Variants in KIAA0586 observed in about 807,000 individuals in gnomAD.
KIAA0586 encodes KIAA0586, also known as protein TALPID3.
In KIAA0586, 144 loss-of-function variants were observed where a neutral mutation model predicts 169.8. The ratio of observed to expected loss-of-function variants is 0.85; its 90% confidence interval spans 0.74 to 0.97. The LOEUF is 0.97. Ranked by LOEUF, KIAA0586 falls within the 50% of genes least tolerant of loss-of-function variation. The probability of loss-of-function intolerance (pLI) is 0.00; values close to 1 mark genes in which losing one functional copy is unlikely to be tolerated. For synonymous variants in KIAA0586, 625 were observed against 612.4 expected (o/e 1.02, Z -0.30); for missense variants, 1,854 against 1,823.0 (o/e 1.02, Z -0.31).
intron 4 of KIAA0586, among the ~76,000 whole-genome samples, chr14:58,439,441 C>T (rs2038112284): frequency 6.6e-6 from 1 of 152,122 alleles, no homozygotes. Context: ...CCCGCCTCAG[C>T]CTCCCAAAGT....
At chr14:58,476,667 A>C (rs1595277793) in intron 19 of KIAA0586, among the ~76,000 whole-genome samples, 1 of 48,748 alleles carries the variant, frequency 2.1e-5, no homozygotes, top group Non-Finnish European at 3.7e-5. Flanking sequence ...CTTCAGAGGT[A>C]CTTTTTTTTT....
Position 58,549,292 on chromosome 14 carries a change from C to G in KIAA0586, c.*1360C>G, listed in dbSNP as rs1416662083. 1 of 151,092 alleles carries G rather than the reference C, an allele frequency of 6.6e-6. No individual in the cohort carries two copies. Among genetic ancestry groups the G allele is most frequent in the Non-Finnish European group, 1.5e-5 (1 of 67,870 alleles). 9.4% of individuals were successfully genotyped at this position (151,092 alleles called of 1,614,324 possible). A position where few individuals can be genotyped will look rare whatever the true frequency, so the allele number is the denominator to read the frequency against. ...AAAATACTAATGCCTGGGCCTTGTA[C>G]CAAGGGATTTCAATTTAATTGATCT... is the stretch of plus-strand genomic sequence containing the variant. On this transcript the variant is annotated 3_prime_UTR_variant, in exon 31 of 31. Transcript: ENST00000652326.
Position 58,432,522 on chromosome 14 carries a change from G to A in KIAA0586, c.410+65G>A, listed in dbSNP as rs1431184608. On this transcript the variant is annotated intron_variant, in intron 4 of 30. Coordinates refer to ENST00000652326, the MANE Select transcript of KIAA0586 (RefSeq NM_001329943.3). Reference sequence around the variant, plus strand: ...TGTAAATCAGCTTCATTTGTACTTTGGACATATGAAAAACCTTTTCACTAT... The same window carrying A: ...TGTAAATCAGCTTCATTTGTACTTTAGACATATGAAAAACCTTTTCACTAT... 1.5e-5 allele frequency: 13 copies of A among 879,928 alleles called. No homozygotes were observed. In the African/African-American group the frequency reaches 2.2e-4, roughly 15 times the overall value. The allele number at this position is 879,928 out of a possible 1,614,324, so 54.5% of individuals were successfully genotyped here.
intron 29 of KIAA0586, among the ~76,000 whole-genome samples, chr14:58,522,496 C>T (rs1395475286): frequency 6.6e-6 from 1 of 152,174 alleles, no homozygotes; most frequent in Non-Finnish European, 1.5e-5. Context: ...TGAATGAGAG[C>T]TGGCATGTCA....
In KIAA0586 at chr14:58,519,416, T is replaced by G. The variant is rs548797413; in HGVS notation, c.4429+6789T>G. On this transcript the variant is annotated intron_variant, in intron 29 of 30. Transcript: ENST00000652326. ...ATCATGCCTGACTCAGGTAGTTTTATTCCTGTTTTACAAGAGAGAATGATA... is the reference window on the plus strand; with the variant it reads ...ATCATGCCTGACTCAGGTAGTTTTAGTCCTGTTTTACAAGAGAGAATGATA... Among the ~76,000 whole-genome samples, 4 of 152,294 alleles carry G rather than the reference T, an allele frequency of 2.6e-5. 1 individual carries two copies.
chr14:58,457,911 G>T lies in KIAA0586; in HGVS notation c.1515G>T (p.Leu505=), dbSNP rs779379494. 6.2e-7 allele frequency: 1 copy of T among 1,605,910 alleles called. No homozygotes were observed. Among genetic ancestry groups the T allele is most frequent in the Admixed American group, 1.7e-5 (1 of 58,940 alleles). The change falls in exon 11 of 31, where the codon CTG becomes CTT. Residue 505 remains leucine (L), a synonymous_variant. Coordinates refer to ENST00000652326, the MANE Select transcript of KIAA0586 (RefSeq NM_001329943.3). ...ATAAAAAAGTACTTGAAGAAAACCT[G>T]GAAGCTATTATTCGTGCAAAAGATG... ...QNNKKVLEEN[L]EAIIRAKDGA... is the part of the protein sequence containing the mutation.
chr14:58,560,731 A>G, the KIAA0586 span, among the ~76,000 whole-genome samples: 243 of 152,326 alleles, frequency 1.6e-3, no homozygotes, highest in Non-Finnish European at 2.6e-3. Flanking sequence ...CAAATGCTTT[A>G]TGATACCTGA....
the KIAA0586 span, among the ~76,000 whole-genome samples, chr14:58,558,416 T>C: frequency 6.6e-6 from 1 of 152,216 alleles, no homozygotes; most frequent in Admixed American, 6.5e-5. Flanking sequence ...GTCCCTTTTC[T>C]GCCAATTTCA....
At position 58,498,974 on chromosome 14, in the gene KIAA0586, T is replaced by C; in HGVS notation, c.4168+14T>C. 1 of 1,572,834 alleles carries C rather than the reference T, an allele frequency of 6.4e-7. No homozygotes were observed. The highest frequency in any genetic ancestry group is 2.3e-5 in the East Asian group (1 of 43,554). On this transcript the variant is annotated intron_variant, in intron 27 of 30. Coordinates refer to ENST00000652326, the MANE Select transcript of KIAA0586 (RefSeq NM_001329943.3). The stretch of plus-strand genomic sequence containing the variant: ...ACACAGTTTCAGGTAGACACCAAAA[T>C]ATTTTTTCTTGATGTGTCATAGTAG...
Position 58,465,859 on chromosome 14 carries a change from C to T in KIAA0586, c.2084C>T (p.Thr695Ile). The change falls in exon 15 of 31, where the codon ACA (threonine) becomes ATA (isoleucine). Residue 695 changes from threonine (T) to isoleucine (I), a missense_variant. Thr to Ile is a moderately conservative substitution (Grantham distance 89). Transcript: ENST00000652326. ...GGCACTAAGGTAAAGTCAATAAGAA[C>T]ACAGACTGACTTCTATGCAACAAAA... ...VKGTKVKSIR[T>I]QTDFYATKPK... 6.2e-7 allele frequency: 1 copy of T among 1,608,968 alleles called. No homozygotes were observed. The highest frequency in any genetic ancestry group is 1.7e-4 in the Middle Eastern group (1 of 6,038).
At chr14:58,531,965 C>CTGAAAAA (rs2045997375) in intron 29 of KIAA0586, among the ~76,000 whole-genome samples, 1 of 151,500 alleles carries the variant, frequency 6.6e-6, no homozygotes, top group African/African-American at 2.4e-5. Context: ...TGTTCTCACT[C>CTGAAAAA]ATAAGTGGGA....
chr14:58,454,464 G>A (rs1024715799), intron 9 of KIAA0586, among the ~76,000 whole-genome samples: 1 of 152,044 alleles, frequency 6.6e-6, no homozygotes, highest in African/African-American at 2.4e-5. Flanking sequence ...TACATATACT[G>A]GCTTTTATAT....
rs2044472039 is a variant in KIAA0586, at chr14:58,512,645, G to A, written c.4429+18G>A. ...GCAACAAGGTAAGACTTGTTTTTAT[G>A]TAATAATACAATAGTTTGATACTTG... On this transcript the variant is annotated intron_variant, in intron 29 of 30. Coordinates refer to ENST00000652326, the MANE Select transcript of KIAA0586 (RefSeq NM_001329943.3). The A allele has an allele frequency of 2.4e-6, 3 of 1,241,796 alleles. No individual in the cohort carries two copies. Among genetic ancestry groups the A allele is most frequent in the Non-Finnish European group, 3.3e-6 (3 of 899,928 alleles). 76.9% of individuals were successfully genotyped at this position (1,241,796 alleles called of 1,614,324 possible). A position where few individuals can be genotyped will look rare whatever the true frequency, so the allele number is the denominator to read the frequency against.
At chr14:58,456,060 CT>C (rs2039817191) in intron 9 of KIAA0586, among the ~76,000 whole-genome samples, 2 of 151,978 alleles carry the variant, frequency 1.3e-5, no homozygotes. Context: ...CCTGGGGATA[CT>C]TTCTCGCTGA....
the KIAA0586 span, among the ~76,000 whole-genome samples, chr14:58,557,138 T>TA: frequency 1.3e-5 from 2 of 152,240 alleles, no homozygotes; most frequent in Non-Finnish European, 1.5e-5. Context: ...TTTGGGGTGT[T>TA]ACCACTTTCT....
At chr14:58,497,236 G>A (rs2043214708) in intron 26 of KIAA0586, among the ~76,000 whole-genome samples, 1 of 152,026 alleles carries the variant, frequency 6.6e-6, no homozygotes, top group Non-Finnish European at 1.5e-5. Context: ...GCCTCCCAAA[G>A]TGCTGAGATT....
At chr14:58,476,041 T>C (rs2041593781) in intron 19 of KIAA0586, among the ~76,000 whole-genome samples, 1 of 152,136 alleles carries the variant, frequency 6.6e-6, no homozygotes, top group Non-Finnish European at 1.5e-5. Flanking sequence ...GATGTTGCAG[T>C]GAGCTGAGAC....
At chr14:58,496,046 A>G (rs1203159481) in intron 26 of KIAA0586, among the ~76,000 whole-genome samples, 2 of 152,206 alleles carry the variant, frequency 1.3e-5, no homozygotes, top group East Asian at 3.8e-4. Context: ...TGTAATAAGA[A>G]CTAGTAATAT....
At chr14:58,498,217 C>T (rs921736592) in intron 26 of KIAA0586, among the ~76,000 whole-genome samples, 21 of 151,422 alleles carry the variant, frequency 1.4e-4, no homozygotes, top group African/African-American at 4.6e-4. Context: ...CACTGTATCA[C>T]CCATGCTGGA....
Sources: allele counts gnomAD v4.1 joint callset (sites outside exome capture counted in the v4.1 genomes callset), GRCh38; gene constraint gnomAD v4.1.1; transcripts MANE v1.5; gene names NCBI Gene and HGNC (gene_info 2026-07-23, HGNC 2026-07-21).